Variants in TIAM1 observed in about 807,000 individuals in gnomAD.
TIAM1 encodes TIAM Rac1 associated GEF 1.
TIAM1 carries 65 observed loss-of-function variants against 163.5 expected under a neutral mutation model. The ratio of observed to expected loss-of-function variants is 0.40; its 90% CI spans 0.33 to 0.49. TIAM1 has a LOEUF of 0.49. Among genes scored for constraint, TIAM1 ranks in the 20% least tolerant of loss-of-function variants. The pLI is 0.77. For synonymous variants in TIAM1, 833 were observed against 810.1 expected (o/e 1.03, Z -0.48); for missense variants, 1,789 against 2,044.7 (o/e 0.87, Z 2.41).
intron 6 of TIAM1, among the ~76,000 whole-genome samples, chr21:31,243,192 C>CAAAAAAAA (rs60242603): frequency 1.7e-4 from 17 of 100,950 alleles, no homozygotes; most frequent in African/African-American, 5.9e-4. Context: ...AACTTCATCT[C>CAAAAAAAA]AAAAAAAAAA....
intron 18 of TIAM1, 54 bp from the exon 19 acceptor site, chr21:31,152,815 G>A (rs1012954164): frequency 3.4e-5 from 54 of 1,586,376 alleles, no homozygotes; most frequent in Admixed American, 1.3e-4. Flanking sequence ...CTTCCTAAAC[G>A]TTATTTATAT....
chr21:31,449,983 C>A (rs1306494015), intron 2 of TIAM1, among the ~76,000 whole-genome samples: 1 of 151,268 alleles, frequency 6.6e-6, no homozygotes, highest in African/African-American at 2.4e-5. Context: ...GGCAGCCAGG[C>A]CGATAATCAG....
intron 2 of TIAM1, among the ~76,000 whole-genome samples, chr21:31,390,950 A>C (rs2076955852): frequency 6.6e-6 from 1 of 152,140 alleles, no homozygotes; most frequent in Non-Finnish European, 1.5e-5. Context: ...CATCAAAGGG[A>C]CTTCTCTGGC....
intron 1 of TIAM1, among the ~76,000 whole-genome samples, chr21:31,468,958 C>T (rs191651753): frequency 6.6e-6 from 1 of 152,138 alleles, no homozygotes; most frequent in African/African-American, 2.4e-5. Flanking sequence ...GGAACACTGA[C>T]CCCCTGCTTC....
chr21:31,453,031 T>C (rs1362231448), intron 2 of TIAM1: 5 of 456,352 alleles, frequency 1.1e-5, no homozygotes, highest in African/African-American at 8.1e-5. Context: ...GATCTTCTCA[T>C]TGGAGATCTT....
intron 1 of TIAM1, among the ~76,000 whole-genome samples, chr21:31,519,646 T>C (rs1164754437): frequency 6.6e-6 from 1 of 151,220 alleles, no homozygotes; most frequent in Non-Finnish European, 1.5e-5. Flanking sequence ...AAGATAGAAG[T>C]AACCCAAGCG....
intron 2 of TIAM1, among the ~76,000 whole-genome samples, chr21:31,446,556 G>C (rs2044631590): frequency 6.6e-6 from 1 of 152,212 alleles, no homozygotes; most frequent in Admixed American, 6.5e-5. Flanking sequence ...ACTACTGAGA[G>C]AAGGCCAGGG....
In TIAM1 at chr21:31,391,975, C is replaced by G. The variant is rs113106086; in HGVS notation, c.-368-52553G>C. Among the ~76,000 whole-genome samples, 1,193 of 152,248 alleles carry G rather than the reference C, an allele frequency of 7.8e-3. 21 individuals are homozygous for G. Among genetic ancestry groups the G allele is most frequent in the African/African-American group, 0.027 (1,140 of 41,530 alleles). On this transcript the variant is annotated intron_variant, in intron 2 of 28. Transcript: ENST00000286827. Reference sequence around the variant, plus strand: ...GCTGTTTTTCACTTTCAGTACAGTACTTAATACATTACATGAGATATTCAA... The same window carrying G: ...GCTGTTTTTCACTTTCAGTACAGTAGTTAATACATTACATGAGATATTCAA...
At chr21:31,295,901 G>A (rs1394850288) in intron 2 of TIAM1, among the ~76,000 whole-genome samples, 2 of 152,114 alleles carry the variant, frequency 1.3e-5, no homozygotes, top group Admixed American at 6.5e-5. Flanking sequence ...GAGTTCAAGC[G>A]ATTCTCCTGC....
intron 2 of TIAM1, among the ~76,000 whole-genome samples, chr21:31,410,410 G>A (rs1028050462): frequency 6.6e-6 from 1 of 151,852 alleles, no homozygotes; most frequent in African/African-American, 2.4e-5. Context: ...GAGACAGTGA[G>A]AGTATGTGAG....
rs368036830 is a variant in TIAM1, at chr21:31,460,910, AT to A, written c.-369+3072del. The stretch of plus-strand genomic sequence containing the variant: ...GTCCTTTAAATTTTCAATCTATTTC[AT>A]TTTTTTTACATAAAGAATTCAATAG... On this transcript the variant is annotated intron_variant, in intron 2 of 28. Coordinates refer to the TIAM1 transcript ENST00000286827. Among the ~76,000 whole-genome samples, 400 of 152,142 alleles carry A rather than the reference AT, an allele frequency of 2.6e-3. 6 individuals are homozygous for A. The highest frequency in any genetic ancestry group is 8.6e-3 in the African/African-American group (356 of 41,514).
At chr21:31,400,136 T>C (rs540564913) in intron 2 of TIAM1, among the ~76,000 whole-genome samples, 1 of 152,168 alleles carries the variant, frequency 6.6e-6, no homozygotes, top group African/African-American at 2.4e-5. Context: ...TTTTTTCCTT[T>C]TCTTTTTTTG....
At chr21:31,350,425 G>A (rs894925740) in intron 2 of TIAM1, among the ~76,000 whole-genome samples, 42 of 152,288 alleles carry the variant, frequency 2.8e-4, no homozygotes, top group Admixed American at 1.0e-3. Context: ...TTGGATATCT[G>A]TACCCACCCA....
At position 31,412,784 on chromosome 21, in the gene TIAM1, TAAAAAAAAA is replaced by T. The variant is rs77221722; in HGVS notation, c.-369+51190_-369+51198del. 3.5e-3 allele frequency among the ~76,000 whole-genome samples: 358 copies of T among 103,520 alleles called. 1 individual carries two copies. The highest frequency in any genetic ancestry group is 0.012 in the African/African-American group (327 of 26,416). The allele number at this position is 103,520 out of a possible 152,430, so 67.9% of individuals were successfully genotyped here. On this transcript the variant is annotated intron_variant, in intron 2 of 28. Transcript: ENST00000286827. ...GAAAGAGAGCAAGACTGTCTCAGGTTAAAAAAAAAAAAAAAAAAAAAAAAGGGAGCACGC... is the reference window on the plus strand; with the variant it reads ...GAAAGAGAGCAAGACTGTCTCAGGTTAAAAAAAAAAAAAAAGGGAGCACGC...
chr21:31,304,398 C>A (rs955225861), intron 2 of TIAM1, among the ~76,000 whole-genome samples: 1 of 152,102 alleles, frequency 6.6e-6, no homozygotes, highest in African/African-American at 2.4e-5. Context: ...CAGATTAAAT[C>A]CCAGTCTGAA....
At chr21:31,334,857 G>A (rs1185886420) in intron 2 of TIAM1, among the ~76,000 whole-genome samples, 1 of 152,152 alleles carries the variant, frequency 6.6e-6, no homozygotes, top group Non-Finnish European at 1.5e-5. Context: ...TTCCGGAGGT[G>A]AGCTTGTGTT....
intron 20 of TIAM1, among the ~76,000 whole-genome samples, chr21:31,142,816 T>C (rs539788546): frequency 8.5e-5 from 13 of 152,212 alleles, no homozygotes; most frequent in Admixed American, 7.9e-4. Flanking sequence ...CTGATGCAGC[T>C]CAGGCAGCAC....
intron 16 of TIAM1, among the ~76,000 whole-genome samples, chr21:31,164,355 C>A (rs908089934): frequency 3.3e-5 from 5 of 150,844 alleles, no homozygotes; most frequent in African/African-American, 4.9e-5. Context: ...ACGCCACTGC[C>A]CTCTAGCCTG....
intron 2 of TIAM1, among the ~76,000 whole-genome samples, chr21:31,441,738 A>G (rs2044423827): frequency 6.6e-6 from 1 of 152,076 alleles, no homozygotes; most frequent in Non-Finnish European, 1.5e-5. Flanking sequence ...ACTTGTTAAA[A>G]GAGTAATGAA....
Sources: allele counts gnomAD v4.1 joint callset (sites outside exome capture counted in the v4.1 genomes callset), GRCh38; gene constraint gnomAD v4.1.1; transcripts MANE v1.5; gene names NCBI Gene and HGNC (gene_info 2026-07-23, HGNC 2026-07-21).